Variants in C2orf80 observed in about 807,000 individuals in gnomAD.
C2orf80 encodes chromosome 2 open reading frame 80.
A neutral mutation model predicts 30.2 loss-of-function variants in C2orf80; 28 were observed. That is an observed-to-expected ratio of 0.93 (90% confidence interval 0.69 to 1.27). The LOEUF (loss-of-function observed/expected upper bound fraction) is 1.27. Ranked by LOEUF, C2orf80 falls within the 50% of genes most tolerant of loss-of-function variation. The probability of loss-of-function intolerance (pLI) is 0.00; values close to 1 mark genes in which losing one functional copy is unlikely to be tolerated. For missense variants in C2orf80, 220 were observed against 231.0 expected, an observed-to-expected ratio of 0.95 and a Z score of 0.31; for synonymous variants, 80 against 76.4, an observed-to-expected ratio of 1.05 and a Z score of -0.24.
chr2:208,168,374 T>C, intron 8 of C2orf80: 1 of 326,792 alleles, frequency 3.1e-6, no homozygotes, highest in Non-Finnish European at 5.9e-6. Context: ...GTTTAAAAGA[T>C]ACATTACCCA....
At chr2:208,176,905 CTGT>C (rs1559340152) in intron 6 of C2orf80, among the ~76,000 whole-genome samples, 9 of 8,886 alleles carry the variant, frequency 1.0e-3, no homozygotes, top group Admixed American at 3.3e-3. Context: ...ATATACATAT[CTGT>C]GTATACATAT....
At chr2:208,179,849 A>G (rs1235979974) in intron 6 of C2orf80, among the ~76,000 whole-genome samples, 1 of 152,116 alleles carries the variant, frequency 6.6e-6, no homozygotes, top group African/African-American at 2.4e-5. Context: ...ATTTCAAAGT[A>G]GTTTCATGGG....
Position 208,187,009 on chromosome 2 carries a change from C to A in C2orf80, c.-23G>T, listed in dbSNP as rs1232986891. 5 of 1,613,278 alleles carry A rather than the reference C, an allele frequency of 3.1e-6. No homozygotes were observed. Among genetic ancestry groups the A allele is most frequent in the Non-Finnish European group, 4.2e-6 (5 of 1,179,360 alleles). ...CATGTTAAAGGCTTAGCCAGCTGAG[C>A]AGGTATCTGCAGCTAACACTACACT... On this transcript the variant is annotated 5_prime_UTR_variant, in exon 2 of 9. Coordinates refer to ENST00000341287, the MANE Select transcript of C2orf80 (RefSeq NM_001099334.3).
At chr2:208,177,007 A>ATCTGTATACATATG (rs1209755563) in intron 6 of C2orf80, among the ~76,000 whole-genome samples, 1 of 56,678 alleles carries the variant, frequency 1.8e-5, no homozygotes, top group African/African-American at 4.8e-5. Context: ...ATATATACAT[A>ATCTGTATACATATG]TATACAGATA....
chr2:208,189,682 A>G (rs980629499), intron 1 of C2orf80, among the ~76,000 whole-genome samples: 3 of 152,222 alleles, frequency 2.0e-5, no homozygotes, highest in Non-Finnish European at 2.9e-5. Flanking sequence ...AGCTCTAAAG[A>G]AAACAAGACC....
chr2:208,168,579 T>G (rs1275450504), intron 8 of C2orf80: 1 of 150,420 alleles, frequency 6.6e-6, no homozygotes, highest in East Asian at 2.1e-4. Flanking sequence ...GAGAATGGCG[T>G]GAACCCGGGA....
chr2:208,170,829 C>G lies in C2orf80; in HGVS notation c.573+116G>C. ...TCCCATAGCTGGTAAGCAGTCGGCT[C>G]TAGATTCAAACCCAGAGCACCTGAC... is the stretch of plus-strand genomic sequence containing the variant. On this transcript the variant is annotated intron_variant, in intron 8 of 8. Transcript: ENST00000341287. 1.3e-5 allele frequency: 10 copies of G among 788,954 alleles called. No homozygotes were observed. In the South Asian group the frequency reaches 1.4e-4, roughly 11 times the overall value. The allele number at this position is 788,954 out of a possible 1,614,324, so 48.9% of individuals were successfully genotyped here.
intron 8 of C2orf80, among the ~76,000 whole-genome samples, chr2:208,167,376 G>C (rs928603592): frequency 6.6e-6 from 1 of 151,636 alleles, no homozygotes; most frequent in Non-Finnish European, 1.5e-5. Flanking sequence ...ACAAAAATTA[G>C]CCAGGTGTGG....
At chr2:208,165,899 G>T in intron 8 of C2orf80, 84 bp from the exon 9 acceptor site, 1 of 874,462 alleles carries the variant, frequency 1.1e-6, no homozygotes, top group South Asian at 1.6e-5. Context: ...AGGAAGTTAA[G>T]GTCAAATATC....
intron 6 of C2orf80, among the ~76,000 whole-genome samples, chr2:208,173,897 G>T (rs1696193765): frequency 6.6e-6 from 1 of 152,044 alleles, no homozygotes; most frequent in Non-Finnish European, 1.5e-5. Flanking sequence ...ATATTGGTAA[G>T]TGTTCATTTG....
chr2:208,169,434 A>G (rs1401400634), intron 8 of C2orf80, among the ~76,000 whole-genome samples: 1 of 152,152 alleles, frequency 6.6e-6, no homozygotes, highest in Non-Finnish European at 1.5e-5. Flanking sequence ...ATGGTTCTAG[A>G]AAGTCTAATA....
rs377168952 is a variant in C2orf80, at chr2:208,186,972, G to A, written c.15C>T (p.Leu5=). 4 of 1,613,886 alleles carry A rather than the reference G, an allele frequency of 2.5e-6. No individual in the cohort carries two copies. Among genetic ancestry groups the A allele is most frequent in the Middle Eastern group, 1.6e-4 (1 of 6,084 alleles). MERR[L]IKKEMKKLLG... ...AGAGCTTTTTCATTTCCTTCTTTAT[G>A]AGCCTTCTTTCCATGTTAAAGGCTT... The change falls in exon 2 of 9, where the codon CTC becomes CTT. Residue 5 remains leucine, a synonymous_variant. Transcript: ENST00000341287.
At chr2:208,183,930 TC>T (rs1377312604) in intron 3 of C2orf80, among the ~76,000 whole-genome samples, 2 of 152,218 alleles carry the variant, frequency 1.3e-5, no homozygotes. Context: ...CTCCTTTCAG[TC>T]CCCACACACA....
At chr2:208,168,520 G>A (rs1695979472) in intron 8 of C2orf80, 2 of 171,982 alleles carry the variant, frequency 1.2e-5, no homozygotes, top group South Asian at 2.0e-4. Context: ...AATTAGCCGG[G>A]CGTGGTGGCG....
intron 6 of C2orf80, among the ~76,000 whole-genome samples, chr2:208,173,367 G>A (rs1286393809): frequency 6.6e-6 from 1 of 152,190 alleles, no homozygotes. Context: ...GCTCAAGCGT[G>A]TAATCTCAGC....
chr2:208,181,695 A>T (rs1324729667), intron 4 of C2orf80, among the ~76,000 whole-genome samples: 1 of 152,134 alleles, frequency 6.6e-6, no homozygotes, highest in East Asian at 1.9e-4. Context: ...GATTCCAAAG[A>T]TGAAAAACAC....
intron 1 of C2orf80, chr2:208,189,734 G>A (rs1696820723): frequency 1.6e-5 from 9 of 558,928 alleles, no homozygotes; most frequent in Non-Finnish European, 2.2e-5. Flanking sequence ...CACAAAAGAG[G>A]TACTGGAAAG....
At chr2:208,177,191 A>G (rs1696383845) in intron 6 of C2orf80, among the ~76,000 whole-genome samples, 1 of 141,948 alleles carries the variant, frequency 7.0e-6, no homozygotes, top group South Asian at 2.2e-4. Flanking sequence ...AATATACATT[A>G]TATTATATAT....
At position 208,186,979 on chromosome 2, in the gene C2orf80, C is replaced by T; in HGVS notation, c.8G>A (p.Arg3Lys). 1 of 1,614,094 alleles carries T rather than the reference C, an allele frequency of 6.2e-7. No homozygotes were observed. The highest frequency in any genetic ancestry group is 8.5e-7 in the Non-Finnish European group (1 of 1,179,916). ME[R>K]RLIKKEMKKL... ...TTTCATTTCCTTCTTTATGAGCCTT[C>T]TTTCCATGTTAAAGGCTTAGCCAGC... The change falls in exon 2 of 9, where the codon AGA becomes AAA. Residue 3 changes from arginine (R) to lysine (K), a missense_variant. Transcript: ENST00000341287.
Sources: allele counts gnomAD v4.1 joint callset (sites outside exome capture counted in the v4.1 genomes callset), GRCh38; gene constraint gnomAD v4.1.1; transcripts MANE v1.5; gene names NCBI Gene and HGNC (gene_info 2026-07-23, HGNC 2026-07-21).